ANKRD27: variants seen among roughly 807,000 people sequenced by gnomAD.
The protein encoded by ANKRD27 is ankyrin repeat domain 27.
In ANKRD27, 112 loss-of-function variants were observed where a neutral mutation model predicts 129.7. The ratio of observed to expected loss-of-function variants is 0.86; its 90% CI spans 0.74 to 1.01. The LOEUF is 1.01. Ranked by LOEUF, ANKRD27 falls within the 50% of genes least tolerant of loss-of-function variation. The pLI, the probability that ANKRD27 is intolerant of heterozygous loss-of-function variation, is 0.00. For missense variants in ANKRD27, 1,258 were observed against 1,300.5 expected (o/e 0.97, Z 0.50); for synonymous variants, 516 against 511.2 (o/e 1.01, Z -0.13).
intron 2 of ANKRD27, among the ~76,000 whole-genome samples, chr19:32,650,756 T>TTA (rs1002195837): frequency 6.7e-6 from 1 of 148,802 alleles, no homozygotes; most frequent in African/African-American, 2.5e-5. Context: ...TTTTATTTAT[T>TTA]TTTTTTTTTT....
At chr19:32,649,401 G>T (rs1306240373) in intron 3 of ANKRD27, among the ~76,000 whole-genome samples, 1 of 152,154 alleles carries the variant, frequency 6.6e-6, no homozygotes, top group African/African-American at 2.4e-5. Context: ...CAAGGAGGAG[G>T]TGTTCCAGCG....
chr19:32,662,311 CAAAAAAAAA>C (rs34066529), intron 1 of ANKRD27, among the ~76,000 whole-genome samples: 33 of 38,006 alleles, frequency 8.7e-4, no homozygotes, highest in Admixed American at 1.6e-3. Context: ...ACTCAGTCTC[CAAAAAAAAA>C]AAAAAAAAAA....
chr19:32,626,598 G>A (rs182489231), intron 16 of ANKRD27, 114 bp downstream of exon 16: 9 of 676,620 alleles, frequency 1.3e-5, no homozygotes, highest in Admixed American at 3.1e-5. Flanking sequence ...AACGAGGGGG[G>A]CACAGCACCA....
chr19:32,640,793 A>T (rs1008278909), intron 10 of ANKRD27, among the ~76,000 whole-genome samples: 1 of 152,162 alleles, frequency 6.6e-6, no homozygotes, highest in Non-Finnish European at 1.5e-5. Flanking sequence ...AATCCCAGGT[A>T]CTTGGGAGGC....
intron 2 of ANKRD27, among the ~76,000 whole-genome samples, chr19:32,658,168 A>G (rs1967578133): frequency 6.6e-6 from 1 of 152,112 alleles, no homozygotes. Context: ...AGTAGGGGAC[A>G]ACAGACAAAA....
intron 1 of ANKRD27, 65 bp from the exon 2 acceptor site, chr19:32,659,110 G>C: frequency 2.8e-6 from 2 of 717,254 alleles, no homozygotes; most frequent in South Asian, 3.1e-5. Context: ...ATGAAAGTCT[G>C]CATCTGATGC....
chr19:32,598,441 C>A, intron 28 of ANKRD27, 63 bp from the exon 29 acceptor site: 1 of 1,503,034 alleles, frequency 6.7e-7, no homozygotes, highest in African/African-American at 1.4e-5. Context: ...ACAACCATGA[C>A]AGTGACAGCT....
chr19:32,643,260 C>A (rs2145301271), intron 8 of ANKRD27, 27 bp downstream of exon 8: 2 of 1,614,038 alleles, frequency 1.2e-6, no homozygotes, highest in East Asian at 2.2e-5. Context: ...AGGCTTCCAT[C>A]TTGGGTGATA....
In ANKRD27 at chr19:32,604,321, C is replaced by T. The variant is rs1404280087; in HGVS notation, c.2597G>A (p.Gly866Glu). Reference protein sequence around the residue: ...VFVVELLLLHGASVQVLNKRQ... With the variant: ...VFVVELLLLHEASVQVLNKRQ... ...CTTGTTCAGCACCTGAACTGACGCT[C>T]CGTGGAGCAGAAGCAGCTCTACCAC... Residue 866 changes from glycine to glutamate, a missense_variant, in exon 25 of 29, where the codon GGA becomes GAA. Coordinates refer to ENST00000306065, the MANE Select transcript of ANKRD27 (RefSeq NM_032139.3). The T allele has an allele frequency of 6.2e-7, 1 of 1,613,928 alleles. No homozygotes were observed. Among genetic ancestry groups the T allele is most frequent in the African/African-American group, 1.3e-5 (1 of 74,946 alleles).
intron 12 of ANKRD27, among the ~76,000 whole-genome samples, chr19:32,635,458 G>A (rs142033084): frequency 5.3e-5 from 8 of 152,004 alleles, no homozygotes; most frequent in Non-Finnish European, 8.8e-5. Flanking sequence ...ACACACACAC[G>A]CATTCTTTTT....
chr19:32,641,686 C>T (rs975025542), intron 10 of ANKRD27, among the ~76,000 whole-genome samples: 7 of 151,148 alleles, frequency 4.6e-5, no homozygotes, highest in African/African-American at 1.7e-4. Context: ...ATTCCATACA[C>T]TCAGGATCAT....
rs1218457596 is a variant in ANKRD27 at position 32,619,247 on chromosome 19, C to T, written c.2007+13G>A. On this transcript the variant is annotated intron_variant, in intron 20 of 28. Transcript: ENST00000306065. ...AGGCCTCCCCTCCCCAGCCCTTCCTCTGGAAGCCTCACCTCTCTGTAGTCC... is the reference window on the plus strand; with the variant it reads ...AGGCCTCCCCTCCCCAGCCCTTCCTTTGGAAGCCTCACCTCTCTGTAGTCC... The T allele has an allele frequency of 1.2e-6, 2 of 1,606,936 alleles. No homozygotes were observed. The highest frequency in any genetic ancestry group is 4.5e-5 in the East Asian group (2 of 44,762).
At chr19:32,620,928 T>G (rs1972001751) in intron 18 of ANKRD27, among the ~76,000 whole-genome samples, 1 of 150,666 alleles carries the variant, frequency 6.6e-6, no homozygotes. Context: ...AGAAGTAAAC[T>G]TTTGGAGGTG....
chr19:32,670,657 G>C (rs113246437), intron 1 of ANKRD27, among the ~76,000 whole-genome samples: 2,373 of 152,134 alleles, frequency 0.016, 24 homozygotes, highest in Non-Finnish European at 0.022. Flanking sequence ...CTGGGCAACA[G>C]AGGGGGACTC....
chr19:32,644,527 C>CAGG, intron 4 of ANKRD27, 48 bp from the exon 5 acceptor site: 1 of 1,601,230 alleles, frequency 6.2e-7, no homozygotes, highest in Non-Finnish European at 8.5e-7. Flanking sequence ...TCTGCTGGTT[C>CAGG]CTGACTCTGT....
chr19:32,673,676 C>A (rs1967916274), intron 1 of ANKRD27, among the ~76,000 whole-genome samples: 1 of 152,208 alleles, frequency 6.6e-6, no homozygotes, highest in South Asian at 2.1e-4. Context: ...TGAGAACCCC[C>A]CTTCCACACA....
At position 32,621,708 on chromosome 19, in the gene ANKRD27, G is replaced by C. The variant is rs180834283; in HGVS notation, c.1827+714C>G. Among the ~76,000 whole-genome samples, 226 of 152,314 alleles carry C rather than the reference G, an allele frequency of 1.5e-3. 1 individual carries two copies. The highest frequency in any genetic ancestry group is 2.6e-3 in the Non-Finnish European group (180 of 68,030). On this transcript the variant is annotated intron_variant, in intron 18 of 28. Transcript: ENST00000306065. Reference sequence around the variant, plus strand: ...CAAACGGGGCTCCCCTAGAGACCTGGAGTGGAACAGAATCCCTCAGGGGAG... The same window carrying C: ...CAAACGGGGCTCCCCTAGAGACCTGCAGTGGAACAGAATCCCTCAGGGGAG...
chr19:32,641,764 CTTCTTTT>C (rs1045991523), intron 10 of ANKRD27, among the ~76,000 whole-genome samples: 2 of 79,726 alleles, frequency 2.5e-5, no homozygotes, highest in Non-Finnish European at 2.3e-5. Context: ...TCTTTTACTT[CTTCTTTT>C]TTTTTTTTTT....
chr19:32,614,086 A>G (rs941105087), intron 22 of ANKRD27, among the ~76,000 whole-genome samples: 1 of 151,782 alleles, frequency 6.6e-6, no homozygotes, highest in African/African-American at 2.4e-5. Context: ...TGGGCGTGGC[A>G]GGGAGAGAGG....
Sources: allele counts gnomAD v4.1 joint callset (sites outside exome capture counted in the v4.1 genomes callset), GRCh38; gene constraint gnomAD v4.1.1; transcripts MANE v1.5; gene names NCBI Gene and HGNC (gene_info 2026-07-23, HGNC 2026-07-21).